The following CELSR1 variants were observed in gnomAD, a reference collection of about 807,000 sequenced individuals.
CELSR1 encodes the protein cadherin EGF LAG seven-pass G-type receptor 1, also known as adhesion G protein-coupled receptor C1.
Under a neutral mutation model 249.1 loss-of-function variants are expected in CELSR1, and 110 were observed. The ratio of observed to expected loss-of-function variants is 0.44; its 90% confidence interval spans 0.38 to 0.52. The LOEUF is 0.52. Among genes scored for constraint, CELSR1 ranks in the 20% least tolerant of loss-of-function variants. The pLI, the probability that CELSR1 is intolerant of heterozygous loss-of-function variation, is 0.00. For synonymous variants in CELSR1, 2,113 were observed against 1,900.0 expected, an observed-to-expected ratio of 1.11 and a Z score of -2.92; for missense variants, 4,109 against 4,296.4, an observed-to-expected ratio of 0.96 and a Z score of 1.22.
rs1455672444 is a variant in CELSR1 at position 46,406,913 on chromosome 22, A to C, written c.5226+2083T>G. On this transcript the variant is annotated intron_variant, in intron 9 of 34. Transcript: ENST00000674500. This position sits in a 1 kb window ranked among gnomAD's most constrained non-coding sequence, Gnocchi z 5.4. ...CCCAGAGCCCAACGGAGCAAAGGCA[A>C]TAAGGCATGGCTCCGCCACGGCACA... 1.3e-5 allele frequency among the ~76,000 whole-genome samples: 2 copies of C among 152,244 alleles called. No individual in the cohort carries two copies. Among genetic ancestry groups the C allele is most frequent in the Non-Finnish European group, 2.9e-5 (2 of 68,038 alleles).
chr22:46,524,458 C>T (rs1031935245), intron 1 of CELSR1, among the ~76,000 whole-genome samples: 5 of 152,040 alleles, frequency 3.3e-5, no homozygotes, highest in African/African-American at 7.2e-5. Context: ...CTGGAAGGGG[C>T]GAAGTCGGTG....
At chr22:46,459,966 G>A (rs985763761) in intron 2 of CELSR1, among the ~76,000 whole-genome samples, 1 of 152,186 alleles carries the variant, frequency 6.6e-6, no homozygotes, top group African/African-American at 2.4e-5. Context: ...CAACACTTTG[G>A]GAGGCCAAGG....
chr22:46,463,161 C>T (rs1000715936), intron 2 of CELSR1, among the ~76,000 whole-genome samples: 28 of 152,220 alleles, frequency 1.8e-4, no homozygotes, highest in African/African-American at 6.0e-4. Flanking sequence ...GCAGTTAAGT[C>T]GGGCAGGGAA....
chr22:46,364,445 T>C, intron 33 of CELSR1, 67 bp downstream of exon 33: 1 of 1,542,656 alleles, frequency 6.5e-7, no homozygotes, highest in Non-Finnish European at 8.8e-7. Flanking sequence ...CACTCCCACC[T>C]CCAGACCAGG....
At chr22:46,503,951 T>C (rs2080489801) in intron 1 of CELSR1, among the ~76,000 whole-genome samples, 1 of 152,136 alleles carries the variant, frequency 6.6e-6, no homozygotes, top group Non-Finnish European at 1.5e-5. Flanking sequence ...GGAGGATGGC[T>C]TGAACCCAGG....
At chr22:46,501,352 T>C (rs1392909050) in intron 1 of CELSR1, among the ~76,000 whole-genome samples, 4 of 151,906 alleles carry the variant, frequency 2.6e-5, no homozygotes, top group Non-Finnish European at 5.9e-5. Context: ...ATTACAGGCA[T>C]GCACCACCAC....
chr22:46,411,836 G>C lies in CELSR1; in HGVS notation c.4612-77C>G. 4.4e-6 allele frequency: 7 copies of C among 1,577,220 alleles called. No homozygotes were observed. Among genetic ancestry groups the C allele is most frequent in the Non-Finnish European group, 6.0e-6 (7 of 1,157,072 alleles). On this transcript the variant is annotated intron_variant, in intron 5 of 34. Coordinates refer to ENST00000674500, the MANE Select transcript of CELSR1 (RefSeq NM_001378328.1). This position sits in a 1 kb window ranked among gnomAD's most constrained non-coding sequence, Gnocchi z 4.2. ...TCAGCAGGCGCACCTGTCACTCATAGAGCGAGGAGGACATGGCACAGGGTG... is the reference window on the plus strand; with the variant it reads ...TCAGCAGGCGCACCTGTCACTCATACAGCGAGGAGGACATGGCACAGGGTG...
chr22:46,498,907 C>T (rs1471827448), intron 1 of CELSR1, among the ~76,000 whole-genome samples: 1 of 151,964 alleles, frequency 6.6e-6, no homozygotes, highest in Non-Finnish European at 1.5e-5. Flanking sequence ...GGGCCGGGCT[C>T]GGTGGCTCAC....
At chr22:46,384,976 G>A (rs1046223241) in intron 19 of CELSR1, among the ~76,000 whole-genome samples, 2 of 151,940 alleles carry the variant, frequency 1.3e-5, no homozygotes, top group Non-Finnish European at 2.9e-5. Flanking sequence ...ATTTTTGGTA[G>A]AGATGGGATT....
chr22:46,474,994 C>A lies in CELSR1; in HGVS notation c.3545-10649G>T, dbSNP rs73888521. Among the ~76,000 whole-genome samples the A allele has an allele frequency of 1.0e-3, 156 of 152,150 alleles. 3 individuals are homozygous for A. The East Asian group carries it at 0.026, about 25-fold the overall frequency. The stretch of plus-strand genomic sequence containing the variant: ...AGCCCATCAACAGGCAAATGAGGAG[C>A]GTGTTAAAAGCTCTGAAAAGCTTCT... On this transcript the variant is annotated intron_variant, in intron 1 of 34. Coordinates refer to ENST00000674500, the MANE Select transcript of CELSR1 (RefSeq NM_001378328.1).
intron 2 of CELSR1, among the ~76,000 whole-genome samples, chr22:46,459,950 T>TA (rs1383654622): frequency 6.6e-6 from 1 of 152,114 alleles, no homozygotes; most frequent in Non-Finnish European, 1.5e-5. Context: ...CTCACGCCTG[T>TA]AAACCCAACA....
rs758386690 is a variant in CELSR1 at position 46,411,566 on chromosome 22, A to G, written c.4769+36T>C. The G allele has an allele frequency of 2.5e-6, 4 of 1,611,796 alleles. No homozygotes were observed. The highest frequency in any genetic ancestry group is 2.5e-6 in the Non-Finnish European group (3 of 1,178,778). ...CCGCAGGGTGAGCATGTTTGGGGGT[A>G]CGGACCCCCAGGGCCTCCCCTCCTG... On this transcript the variant is annotated intron_variant, in intron 6 of 34. Coordinates refer to ENST00000674500, the MANE Select transcript of CELSR1 (RefSeq NM_001378328.1). This position sits in a 1 kb window ranked among gnomAD's most constrained non-coding sequence, Gnocchi z 4.2.
intron 19 of CELSR1, among the ~76,000 whole-genome samples, chr22:46,385,674 A>ATTT (rs747955777): frequency 6.0e-5 from 8 of 132,236 alleles, no homozygotes; most frequent in Non-Finnish European, 3.2e-5. Context: ...CCTGCCGAAT[A>ATTT]TTTTTTTTTT....
rs6008857 is a variant in CELSR1 at position 46,471,812 on chromosome 22, C to A, written c.3545-7467G>T. 6.6e-6 allele frequency among the ~76,000 whole-genome samples: 1 copy of A among 152,182 alleles called. No homozygotes were observed. The highest frequency in any genetic ancestry group is 1.9e-4 in the East Asian group (1 of 5,204). On this transcript the variant is annotated intron_variant, in intron 1 of 34. Coordinates refer to ENST00000674500, the MANE Select transcript of CELSR1 (RefSeq NM_001378328.1). This position sits in a 1 kb window ranked among gnomAD's most constrained non-coding sequence, Gnocchi z 4.9. ...TCCTCTCCTGTCCCAGGACCCCACA[C>A]CACACTCAGCTCCCCTGCACCGTGG...
In CELSR1 at chr22:46,428,205, C is replaced by T. The variant is rs1350729492; in HGVS notation, c.4611+5188G>A. 6.6e-6 allele frequency among the ~76,000 whole-genome samples: 1 copy of T among 152,208 alleles called. No individual in the cohort carries two copies. The highest frequency in any genetic ancestry group is 2.4e-5 in the African/African-American group (1 of 41,448). On this transcript the variant is annotated intron_variant, in intron 5 of 34. Transcript: ENST00000674500. This position sits in a 1 kb window ranked among gnomAD's most constrained non-coding sequence, Gnocchi z 5.7. ...TTATAAAAGCACTTTCCGCAGCATG[C>T]CAAAGACAGCCCCGCGCCATCTCAG...
rs968308448 is a variant in CELSR1, at chr22:46,482,494, C to T, written c.3545-18149G>A. ...CTCTAGGAGGCAGAAAATCCAATCA[C>T]CCAGTTTTACTGATGAGGAAACCAA... On this transcript the variant is annotated intron_variant, in intron 1 of 34. Transcript: ENST00000674500. Among the ~76,000 whole-genome samples, 9 of 152,144 alleles carry T rather than the reference C, an allele frequency of 5.9e-5. No homozygotes were observed. The East Asian group carries it at 1.7e-3, about 29-fold the overall frequency.
At chr22:46,516,495 T>TG (rs1392757189) in intron 1 of CELSR1, among the ~76,000 whole-genome samples, 1 of 151,520 alleles carries the variant, frequency 6.6e-6, no homozygotes, top group Non-Finnish European at 1.5e-5. Context: ...ACACCGGTTT[T>TG]GGGGGGTTTT....
chr22:46,385,442 G>A (rs971072530), intron 19 of CELSR1, among the ~76,000 whole-genome samples: 4 of 151,966 alleles, frequency 2.6e-5, no homozygotes, highest in Admixed American at 1.3e-4. Context: ...CCTGCATCCC[G>A]CCTGTACTTA....
chr22:46,462,743 C>CAA (rs1270253837), intron 2 of CELSR1: 1 of 260,416 alleles, frequency 3.8e-6, no homozygotes, highest in Non-Finnish European at 7.8e-6. Flanking sequence ...AATCAAAGAC[C>CAA]AAAGCAAGAT....
Sources: gnomAD v4.1 joint callset for allele counts (sites outside exome capture counted in the v4.1 genomes callset) on GRCh38, gnomAD v4.1.1 for gene constraint, Gnocchi (gnomAD v3.1) non-coding constraint, MANE v1.5 for transcripts, NCBI Gene and HGNC (gene_info 2026-07-23, HGNC 2026-07-21) for gene names.